FREM1: variants seen among roughly 807,000 people sequenced by gnomAD.
The protein encoded by FREM1 is FRAS1 related extracellular matrix 1.
In FREM1, 220 loss-of-function variants were observed where a neutral mutation model predicts 210.1. The observed-to-expected ratio is 1.05, with a 90% CI of 0.94 to 1.17. The LOEUF is 1.17. FREM1 is among the 50% of genes most tolerant of loss of function. The probability of loss-of-function intolerance (pLI) is 0.00; values close to 1 mark genes in which losing one functional copy is unlikely to be tolerated. For synonymous variants in FREM1, 1,189 were observed against 980.2 expected, an observed-to-expected ratio of 1.21 and a Z score of -3.98; for missense variants, 3,454 against 2,675.5, an observed-to-expected ratio of 1.29 and a Z score of -6.42.
chr9:14,742,866 G>C (rs1563809647), intron 35 of FREM1, among the ~76,000 whole-genome samples: 1 of 152,088 alleles, frequency 6.6e-6, no homozygotes, highest in Non-Finnish European at 1.5e-5. Context: ...CCTATGATGA[G>C]AAACCTGCTA....
rs569759604 is a variant in FREM1, at chr9:14,745,761, T to C, written c.6254+592A>G. Among the ~76,000 whole-genome samples the C allele has an allele frequency of 3.9e-5, 6 of 152,336 alleles. No homozygotes were observed. The South Asian group carries it at 6.2e-4, about 16-fold the overall frequency. On this transcript the variant is annotated intron_variant, in intron 35 of 36. Transcript: ENST00000380880. ...AAGGAGGGTCAGGGATAGGTACATA[T>C]GCATTTTTAAAGTCCTTCTGGACTA... is the stretch of plus-strand genomic sequence containing the variant.
chr9:14,812,809 T>C lies in FREM1; in HGVS notation c.2893+3A>G. 6.2e-7 allele frequency: 1 copy of C among 1,602,038 alleles called. No homozygotes were observed. The highest frequency in any genetic ancestry group is 8.5e-7 in the Non-Finnish European group (1 of 1,173,002). On this transcript the variant is annotated splice_donor_region_variant and intron_variant, in intron 16 of 36. Coordinates refer to ENST00000380880, the MANE Select transcript of FREM1 (RefSeq NM_001379081.2). ...CCTCACTGGTCACCATGCTGCTGCT[T>C]ACCTGTGTGTTTGTATGTCACGGCC...
At chr9:14,799,140 G>T (rs976535863) in intron 20 of FREM1, among the ~76,000 whole-genome samples, 1 of 152,000 alleles carries the variant, frequency 6.6e-6, no homozygotes, top group African/African-American at 2.4e-5. Flanking sequence ...ATCAGCCAGT[G>T]GTATGTGTGA....
intron 24 of FREM1, among the ~76,000 whole-genome samples, chr9:14,780,994 A>G (rs376114638): frequency 6.6e-6 from 1 of 152,222 alleles, no homozygotes; most frequent in Admixed American, 6.5e-5. Context: ...TGCTGGCCAA[A>G]TATCAGAATG....
chr9:14,778,566 C>A (rs1435187584), intron 24 of FREM1, among the ~76,000 whole-genome samples: 2 of 143,696 alleles, frequency 1.4e-5, no homozygotes, highest in African/African-American at 2.6e-5. Context: ...CATGAACGTG[C>A]CACCGCACTC....
intron 1 of FREM1, among the ~76,000 whole-genome samples, chr9:14,896,738 T>A (rs574563683): frequency 6.6e-6 from 1 of 152,144 alleles, no homozygotes; most frequent in African/African-American, 2.4e-5. Context: ...AAAACCAGAA[T>A]GGTATTCGCT....
chr9:14,757,613 C>A (rs997221369), intron 28 of FREM1, among the ~76,000 whole-genome samples: 8 of 152,016 alleles, frequency 5.3e-5, no homozygotes, highest in African/African-American at 1.9e-4. Context: ...AAATGAGAAC[C>A]GTGTGCAAGC....
intron 1 of FREM1, among the ~76,000 whole-genome samples, chr9:14,908,432 G>A (rs375371355): frequency 1.3e-5 from 2 of 152,178 alleles, no homozygotes; most frequent in Non-Finnish European, 1.5e-5. Flanking sequence ...TAGCCATGCG[G>A]GGGCAGATCA....
At position 14,848,654 on chromosome 9, in the gene FREM1, T is replaced by C. The variant is rs1588347183; in HGVS notation, c.1261+11A>G. The stretch of plus-strand genomic sequence containing the variant: ...GGGCTATGTTGCTCTATGCCTTATA[T>C]TGAGCTTTACCTGTATTCCAGGATA... On this transcript the variant is annotated intron_variant, in intron 7 of 36. Coordinates refer to ENST00000380880, the MANE Select transcript of FREM1 (RefSeq NM_001379081.2). The C allele has an allele frequency of 6.6e-7, 1 of 1,520,382 alleles. No homozygotes were observed. Among genetic ancestry groups the C allele is most frequent in the Non-Finnish European group, 9.1e-7 (1 of 1,095,370 alleles). The allele number at this position is 1,520,382 out of a possible 1,614,324, so 94.2% of individuals were successfully genotyped here. A position where few individuals can be genotyped will look rare whatever the true frequency, so the allele number is the denominator to read the frequency against.
chr9:14,823,203 C>T lies in FREM1; in HGVS notation c.2294G>A (p.Cys765Tyr). Residue 765 changes from cysteine to tyrosine, a missense_variant, in exon 13 of 37, where the codon TGC (cysteine) becomes TAC (tyrosine). Cys to Tyr is a radical substitution (Grantham distance 194). Coordinates refer to ENST00000380880, the MANE Select transcript of FREM1 (RefSeq NM_001379081.2). The stretch of plus-strand genomic sequence containing the variant: ...CACTGGGAGGATTGTAATGTTAAAG[C>T]AGATCCCATGCAAAGTACCGCCATG... Reference protein sequence around the residue: ...NQHGGTLHGICFNITILPVDN... With the variant: ...NQHGGTLHGIYFNITILPVDN... The T allele has an allele frequency of 6.2e-7, 1 of 1,613,854 alleles. No homozygotes were observed. The highest frequency in any genetic ancestry group is 8.5e-7 in the Non-Finnish European group (1 of 1,179,796).
intron 25 of FREM1, among the ~76,000 whole-genome samples, chr9:14,773,767 G>A (rs893209413): frequency 1.3e-5 from 2 of 152,122 alleles, no homozygotes; most frequent in Admixed American, 1.3e-4. Context: ...TGTTGGGAAA[G>A]ACCTGATTCA....
At chr9:14,763,433 T>A (rs1845856757) in intron 27 of FREM1, among the ~76,000 whole-genome samples, 1 of 152,104 alleles carries the variant, frequency 6.6e-6, no homozygotes, top group Middle Eastern at 3.2e-3. Context: ...AGACAGAGGT[T>A]GCAGTGAGCC....
At chr9:14,753,025 G>A (rs766922255) in intron 29 of FREM1, among the ~76,000 whole-genome samples, 3 of 152,110 alleles carry the variant, frequency 2.0e-5, no homozygotes, top group Admixed American at 6.5e-5. Flanking sequence ...TGTGCACAGA[G>A]GACTAACTCT....
chr9:14,896,959 G>T (rs1419187739), intron 1 of FREM1, among the ~76,000 whole-genome samples: 1 of 152,206 alleles, frequency 6.6e-6, no homozygotes, highest in African/African-American at 2.4e-5. Flanking sequence ...CAAACTCACA[G>T]ATGTCTGCAG....
chr9:14,899,093 T>C (rs1838303966), intron 1 of FREM1, among the ~76,000 whole-genome samples: 1 of 152,134 alleles, frequency 6.6e-6, no homozygotes, highest in South Asian at 2.1e-4. Flanking sequence ...TGGAGGGCCA[T>C]CAGTAACAAA....
intron 20 of FREM1, 55 bp downstream of exon 20, chr9:14,801,597 G>A: frequency 8.3e-7 from 1 of 1,210,582 alleles, no homozygotes; most frequent in Non-Finnish European, 1.2e-6. Context: ...ATATAAGTAT[G>A]GGTTAAATTA....
Position 14,812,911 on chromosome 9 carries a change from G to A in FREM1, c.2794C>T (p.Arg932Cys), listed in dbSNP as rs751359988. 141 of 1,613,706 alleles carry A rather than the reference G, an allele frequency of 8.7e-5. No individual in the cohort carries two copies. Among genetic ancestry groups the A allele is most frequent in the Non-Finnish European group, 1.0e-4 (123 of 1,179,838 alleles). ...CTCACCACCCCATGCTGAGGTTCGC[G>A]AGCAATCACAAACATCAACTTCAAG... ...DNLKLMFVIA[R>C]EPQHGVVRRA... Residue 932 changes from arginine (R) to cysteine (C), a missense_variant, in exon 16 of 37, where the codon CGC becomes TGC. By Grantham distance (180) the Arg-to-Cys change is radical. Transcript: ENST00000380880.
chr9:14,852,530 A>G (rs1827967952), intron 5 of FREM1, among the ~76,000 whole-genome samples: 1 of 152,168 alleles, frequency 6.6e-6, no homozygotes, highest in Non-Finnish European at 1.5e-5. Flanking sequence ...TCTACAAAAA[A>G]AGTAAAAATA....
In FREM1 at chr9:14,804,409, C is replaced by A. The variant is rs1266528079; in HGVS notation, c.3471+547G>T. 2.6e-5 allele frequency among the ~76,000 whole-genome samples: 4 copies of A among 152,106 alleles called. No homozygotes were observed. The East Asian group carries it at 7.7e-4, about 29-fold the overall frequency. On this transcript the variant is annotated intron_variant, in intron 19 of 36. Coordinates refer to ENST00000380880, the MANE Select transcript of FREM1 (RefSeq NM_001379081.2). The stretch of plus-strand genomic sequence containing the variant: ...GACCATCCTGGCTAACACGGTGAAA[C>A]CCCGTCTCTAGTGAAAATACAAAAA...
Sources: allele counts gnomAD v4.1 joint callset (sites outside exome capture counted in the v4.1 genomes callset), GRCh38; gene constraint gnomAD v4.1.1; transcripts MANE v1.5; gene names NCBI Gene and HGNC (gene_info 2026-07-23, HGNC 2026-07-21).